MTA3: variants seen among roughly 807,000 people sequenced by gnomAD.
The protein encoded by MTA3 is metastasis-associated protein MTA3.
A neutral mutation model predicts 83.5 loss-of-function variants in MTA3; 34 were observed. The observed-to-expected ratio is 0.41, with a 90% confidence interval of 0.31 to 0.54. MTA3 has a LOEUF of 0.54. Among genes scored for constraint, MTA3 ranks in the 20% least tolerant of loss-of-function variants. MTA3 has a pLI of 0.33. For synonymous variants in MTA3, 303 were observed against 252.7 expected (o/e 1.20, Z -1.89); for missense variants, 761 against 726.4 (o/e 1.05, Z -0.55).
chr2:42,674,445 G>C (rs1326640486), intron 8 of MTA3, among the ~76,000 whole-genome samples: 1 of 152,158 alleles, frequency 6.6e-6, no homozygotes, highest in Non-Finnish European at 1.5e-5. Context: ...CTGCTTTTTG[G>C]CAGAGAGAAC....
At chr2:42,693,826 C>G (rs1449404725) in intron 9 of MTA3, among the ~76,000 whole-genome samples, 1 of 152,128 alleles carries the variant, frequency 6.6e-6, no homozygotes, top group East Asian at 1.9e-4. Context: ...AAGCCTTTCA[C>G]CATAGCCACC....
chr2:42,704,044 C>A, intron 11 of MTA3, 150 bp from the exon 12 acceptor site: 3 of 849,786 alleles, frequency 3.5e-6, no homozygotes, highest in South Asian at 1.9e-5. Context: ...GTTCATTTAA[C>A]ACCTTGGTTT....
intron 2 of MTA3, among the ~76,000 whole-genome samples, chr2:42,531,932 A>G (rs1195632034): frequency 6.6e-6 from 1 of 151,838 alleles, no homozygotes; most frequent in East Asian, 1.9e-4. Flanking sequence ...AATTTTTTGT[A>G]TTTTTAGTAG....
intron 14 of MTA3, among the ~76,000 whole-genome samples, chr2:42,710,307 C>T (rs896818919): frequency 1.3e-5 from 2 of 152,024 alleles, no homozygotes; most frequent in Non-Finnish European, 2.9e-5. Context: ...AATCCCAGTA[C>T]TTTGGGAGGC....
chr2:42,727,234 G>A (rs951023793), intron 16 of MTA3, among the ~76,000 whole-genome samples: 1 of 152,096 alleles, frequency 6.6e-6, no homozygotes, highest in Non-Finnish European at 1.5e-5. Context: ...ATCTGCATAC[G>A]CAAGAAGCCT....
At chr2:42,710,054 T>C (rs2104511254) in intron 14 of MTA3, among the ~76,000 whole-genome samples, 1 of 152,346 alleles carries the variant, frequency 6.6e-6, no homozygotes, top group African/African-American at 2.4e-5. Flanking sequence ...CAAAACTTGC[T>C]GTCTGGCCTA....
intron 8 of MTA3, among the ~76,000 whole-genome samples, chr2:42,677,961 T>G (rs776517259): frequency 2.0e-5 from 3 of 152,160 alleles, no homozygotes; most frequent in Non-Finnish European, 4.4e-5. Flanking sequence ...CCTTGGAAAG[T>G]AAAATCATGA....
chr2:42,591,067 TTTTGTC>T (rs373464770), intron 3 of MTA3, among the ~76,000 whole-genome samples: 1 of 151,760 alleles, frequency 6.6e-6, no homozygotes, highest in African/African-American at 2.4e-5. Flanking sequence ...CATTAGGTGA[TTTTGTC>T]TTTGTGTGGA....
intron 8 of MTA3, among the ~76,000 whole-genome samples, chr2:42,661,926 C>T (rs1303332315): frequency 6.6e-6 from 1 of 152,122 alleles, no homozygotes; most frequent in African/African-American, 2.4e-5. Context: ...CTTCCCTTTA[C>T]CTCTGCCTCC....
chr2:42,560,386 A>C (rs1445141258), intron 2 of MTA3, among the ~76,000 whole-genome samples: 1 of 151,738 alleles, frequency 6.6e-6, no homozygotes, highest in Non-Finnish European at 1.5e-5. Context: ...GTGGACGCCT[A>C]TAATCTCAGC....
intron 6 of MTA3, among the ~76,000 whole-genome samples, chr2:42,651,848 C>G (rs1688746958): frequency 6.6e-6 from 1 of 151,444 alleles, no homozygotes; most frequent in Non-Finnish European, 1.5e-5. Flanking sequence ...AATCCCAGCA[C>G]TTTGGGAGGC....
chr2:42,755,873 C>T lies in MTA3; in HGVS notation c.*2474C>T, dbSNP rs769095982. The T allele has an allele frequency of 3.0e-6, 3 of 985,554 alleles. No individual in the cohort carries two copies. Among genetic ancestry groups the T allele is most frequent in the Non-Finnish European group, 3.6e-6 (3 of 830,024 alleles). The allele number at this position is 985,554 out of a possible 1,614,324, so 61.1% of individuals were successfully genotyped here. On this transcript the variant is annotated 3_prime_UTR_variant, in exon 17 of 17. Transcript: ENST00000405094. ...CACAGGCTCTGCAGGCTATCTCCCC[C>T]TCTGGCTCAGTCATCGCCTGCCCAC...
intron 4 of MTA3, among the ~76,000 whole-genome samples, chr2:42,617,932 C>G (rs573878955): frequency 6.6e-6 from 1 of 151,730 alleles, no homozygotes; most frequent in African/African-American, 2.4e-5. Context: ...CTGAAAACAA[C>G]TCTTTTTTTA....
At chr2:42,536,112 T>C (rs1304093385) in intron 2 of MTA3, among the ~76,000 whole-genome samples, 1 of 130,050 alleles carries the variant, frequency 7.7e-6, no homozygotes, top group Non-Finnish European at 1.6e-5. Context: ...AGTGAGACTC[T>C]CTCTCTCAAA....
chr2:42,575,519 T>C (rs577897598), intron 2 of MTA3, among the ~76,000 whole-genome samples: 58 of 152,258 alleles, frequency 3.8e-4, no homozygotes, highest in African/African-American at 1.4e-3. Flanking sequence ...GAGGACCTTC[T>C]ACCAGCCAGG....
intron 9 of MTA3, among the ~76,000 whole-genome samples, chr2:42,693,031 G>T (rs1693050141): frequency 2.0e-5 from 3 of 152,138 alleles, no homozygotes; most frequent in South Asian, 2.1e-4. Flanking sequence ...GAATTCTCTG[G>T]ATTACCAGAC....
At chr2:42,563,114 C>T (rs1677745292) in intron 2 of MTA3, among the ~76,000 whole-genome samples, 1 of 152,164 alleles carries the variant, frequency 6.6e-6, no homozygotes, top group Non-Finnish European at 1.5e-5. Context: ...CACCAACCTC[C>T]CAACTGATCT....
intron 14 of MTA3, among the ~76,000 whole-genome samples, chr2:42,718,572 G>T (rs903212718): frequency 1.3e-5 from 2 of 150,242 alleles, no homozygotes; most frequent in African/African-American, 4.9e-5. Context: ...AGACCAGCCT[G>T]ACCAACATGG....
At chr2:42,687,737 C>T (rs1573622553) in intron 9 of MTA3, among the ~76,000 whole-genome samples, 1 of 152,258 alleles carries the variant, frequency 6.6e-6, no homozygotes, top group African/African-American at 2.4e-5. Context: ...AATTCTAGTG[C>T]AGGATTTGGA....
Sources: gnomAD v4.1 joint callset for allele counts (sites outside exome capture counted in the v4.1 genomes callset) on GRCh38, gnomAD v4.1.1 for gene constraint, MANE v1.5 for transcripts, NCBI Gene and HGNC (gene_info 2026-07-23, HGNC 2026-07-21) for gene names.